Variants in PRIM2 observed in about 807,000 individuals in gnomAD.
PRIM2 encodes the protein DNA primase large subunit.
A neutral mutation model predicts 67.3 loss-of-function variants in PRIM2; 39 were observed. That is an observed-to-expected ratio of 0.58 (90% CI 0.45 to 0.76). The LOEUF is 0.76. Ranked by LOEUF, PRIM2 falls within the 30% of genes least tolerant of loss-of-function variation. The pLI, the probability that PRIM2 is intolerant of heterozygous loss-of-function variation, is 0.00. For missense variants in PRIM2, 398 were observed against 598.7 expected (o/e 0.66, Z 3.50); for synonymous variants, 143 against 198.7 (o/e 0.72, Z 2.36).
intron 5 of PRIM2, among the ~76,000 whole-genome samples, chr6:57,371,773 C>T (rs1434893874): frequency 6.6e-6 from 1 of 152,216 alleles, no homozygotes; most frequent in Non-Finnish European, 1.5e-5. Flanking sequence ...TCTCCCCAAT[C>T]AGTTTCTTCC....
At chr6:57,247,948 T>C in the PRIM2 span, among the ~76,000 whole-genome samples, 14 of 152,236 alleles carry the variant, frequency 9.2e-5, no homozygotes, top group Non-Finnish European at 7.3e-5. Flanking sequence ...GAGTACAGTA[T>C]ATTAGTTAAT....
chr6:57,605,085 A>G (rs1776536546), intron 11 of PRIM2, among the ~76,000 whole-genome samples: 1 of 152,168 alleles, frequency 6.6e-6, no homozygotes, highest in Non-Finnish European at 1.5e-5. Context: ...ATTGATTTGC[A>G]TATGTTGAGT....
rs1384771664 is a variant in PRIM2 at position 57,619,924 on chromosome 6, C to T, written c.1231-12209C>T. On this transcript the variant is annotated intron_variant, in intron 12 of 13. Transcript: ENST00000615550. ...AATATAAGAAGCACAGGGCCAGGTG[C>T]GGTGGCTCACACCTGTAATCCCAGC... is the stretch of plus-strand genomic sequence containing the variant. 7.1e-4 allele frequency among the ~76,000 whole-genome samples: 108 copies of T among 152,186 alleles called. 1 individual carries two copies. Among genetic ancestry groups the T allele is most frequent in the Admixed American group, 3.3e-3 (51 of 15,272 alleles).
At chr6:57,472,098 TGTAGG>T (rs1270130869) in intron 7 of PRIM2, among the ~76,000 whole-genome samples, 44 of 152,150 alleles carry the variant, frequency 2.9e-4, no homozygotes, top group African/African-American at 9.6e-4. Flanking sequence ...TGATTTTTGA[TGTAGG>T]GTAGAGGGAG....
chr6:57,334,198 A>G (rs1768147071), intron 5 of PRIM2, among the ~76,000 whole-genome samples: 1 of 152,158 alleles, frequency 6.6e-6, no homozygotes, highest in Non-Finnish European at 1.5e-5. Context: ...TACTTAACGT[A>G]ATATCCCTGT....
At chr6:57,264,434 T>C in the PRIM2 span, among the ~76,000 whole-genome samples, 6 of 152,130 alleles carry the variant, frequency 3.9e-5, no homozygotes, top group Admixed American at 3.3e-4. Flanking sequence ...TCATTGTTCC[T>C]GGAGTGCTCG....
intron 5 of PRIM2, among the ~76,000 whole-genome samples, chr6:57,351,573 C>T (rs1768857540): frequency 6.6e-6 from 1 of 151,778 alleles, no homozygotes; most frequent in South Asian, 2.1e-4. Flanking sequence ...ATGGAATGTG[C>T]AGTGAAGATG....
chr6:57,481,512 C>T (rs1581944883), intron 7 of PRIM2, among the ~76,000 whole-genome samples: 2 of 151,358 alleles, frequency 1.3e-5, no homozygotes, highest in African/African-American at 2.4e-5. Context: ...AATTATTTCT[C>T]GTTTTTGGCT....
At chr6:57,585,755 G>A (rs1776176418) in intron 10 of PRIM2, among the ~76,000 whole-genome samples, 1 of 152,210 alleles carries the variant, frequency 6.6e-6, no homozygotes, top group Non-Finnish European at 1.5e-5. Flanking sequence ...GCCTGGTTGA[G>A]AAGAGGATTC....
chr6:57,485,034 G>A (rs1241207388), intron 7 of PRIM2, among the ~76,000 whole-genome samples: 6 of 152,288 alleles, frequency 3.9e-5, no homozygotes, highest in African/African-American at 1.4e-4. Flanking sequence ...ATGGATGCAG[G>A]CTTGCCTAAT....
intron 11 of PRIM2, among the ~76,000 whole-genome samples, chr6:57,605,758 C>G (rs1345116829): frequency 2.0e-5 from 3 of 151,998 alleles, no homozygotes; most frequent in African/African-American, 7.3e-5. Context: ...TTCTAGTGGT[C>G]TTTCATTTTT....
chr6:57,531,588 T>C (rs1459840918), intron 8 of PRIM2, among the ~76,000 whole-genome samples: 3 of 152,220 alleles, frequency 2.0e-5, no homozygotes, highest in Non-Finnish European at 2.9e-5. Flanking sequence ...GGTGGGTGGC[T>C]TAAGGTAGTA....
At chr6:57,339,224 G>T (rs1768381864) in intron 5 of PRIM2, among the ~76,000 whole-genome samples, 1 of 152,132 alleles carries the variant, frequency 6.6e-6, no homozygotes, top group Non-Finnish European at 1.5e-5. Context: ...AGAAATGGAA[G>T]AACATTCCAT....
At chr6:57,637,626 C>T (rs1292676713) in intron 13 of PRIM2, among the ~76,000 whole-genome samples, 29 of 151,700 alleles carry the variant, frequency 1.9e-4, no homozygotes, top group Admixed American at 1.4e-3. Flanking sequence ...TATCTGTAGT[C>T]GAATTGACAA....
At chr6:57,449,485 C>T (rs1447151475) in intron 7 of PRIM2, among the ~76,000 whole-genome samples, 3 of 152,138 alleles carry the variant, frequency 2.0e-5, no homozygotes, top group African/African-American at 7.2e-5. Flanking sequence ...TTTGAGGAGA[C>T]TCATCATACC....
Position 57,324,299 on chromosome 6 carries a change from T to A in PRIM2, c.338+19T>A. 6.8e-7 allele frequency: 1 copy of A among 1,475,218 alleles called. No homozygotes were observed. The highest frequency in any genetic ancestry group is 2.3e-5 in the East Asian group (1 of 43,616). 91.4% of individuals were successfully genotyped at this position (1,475,218 alleles called of 1,614,324 possible). ...GCCAGTCGTAAGTATATGTTTATAT[T>A]CTCACAGTCAAATCTGGTGTCATGG... On this transcript the variant is annotated intron_variant, in intron 4 of 13. Transcript: ENST00000615550.
At chr6:57,514,133 A>G (rs1345071974) in intron 8 of PRIM2, among the ~76,000 whole-genome samples, 2 of 152,328 alleles carry the variant, frequency 1.3e-5, no homozygotes, top group African/African-American at 2.4e-5. Flanking sequence ...AGTTGGTATT[A>G]TTACTAGTTT....
At chr6:57,230,470 A>T in the PRIM2 span, among the ~76,000 whole-genome samples, 1 of 151,980 alleles carries the variant, frequency 6.6e-6, no homozygotes, top group Admixed American at 6.6e-5. Context: ...GTTACAGTTT[A>T]TCTTAGTGTA....
intron 5 of PRIM2, among the ~76,000 whole-genome samples, chr6:57,332,683 T>A (rs1006920037): frequency 3.9e-5 from 6 of 152,150 alleles, no homozygotes; most frequent in African/African-American, 1.4e-4. Flanking sequence ...GCATAGCCAT[T>A]CCAGATCTTT....
Sources: gnomAD v4.1 joint callset for allele counts (sites outside exome capture counted in the v4.1 genomes callset) on GRCh38, gnomAD v4.1.1 for gene constraint, MANE v1.5 for transcripts, NCBI Gene and HGNC (gene_info 2026-07-23, HGNC 2026-07-21) for gene names.